The following ARID4B variants were observed in gnomAD, a reference collection of about 807,000 sequenced individuals.
ARID4B encodes AT-rich interaction domain 4B.
In ARID4B, 26 loss-of-function variants were observed where a neutral mutation model predicts 147.5. The ratio of observed to expected loss-of-function variants is 0.18; its 90% CI spans 0.13 to 0.24. The LOEUF (loss-of-function observed/expected upper bound fraction) is 0.24. Among genes scored for constraint, ARID4B ranks in the 10% least tolerant of loss-of-function variants. ARID4B has a pLI of 1.00. For missense variants in ARID4B, 1,179 were observed against 1,511.5 expected, an observed-to-expected ratio of 0.78 and a Z score of 3.65; for synonymous variants, 512 against 507.9, an observed-to-expected ratio of 1.01 and a Z score of -0.11.
intron 2 of ARID4B, among the ~76,000 whole-genome samples, chr1:235,308,568 C>T (rs1275036991): frequency 6.6e-6 from 1 of 152,010 alleles, no homozygotes; most frequent in Non-Finnish European, 1.5e-5. Context: ...TCACTGCAAC[C>T]TCCCTGCCTG....
intron 6 of ARID4B, among the ~76,000 whole-genome samples, chr1:235,248,656 A>C (rs1289906895): frequency 1.3e-5 from 2 of 152,232 alleles, no homozygotes; most frequent in Non-Finnish European, 2.9e-5. Flanking sequence ...TGCTACAGGA[A>C]AGAAAATTTC....
rs563269936 is a variant in ARID4B, at chr1:235,244,967, G to A, written c.446+1453C>T. Among the ~76,000 whole-genome samples the A allele has an allele frequency of 2.3e-4, 35 of 152,288 alleles. No homozygotes were observed. In the South Asian group the frequency reaches 4.8e-3, roughly 21 times the overall value. On this transcript the variant is annotated intron_variant, in intron 7 of 23. Transcript: ENST00000264183. ...ATGCTTACACACCAAGGCTTAAAACGCCAAGCAAGAGTAACATTGTCAGGT... is the reference window on the plus strand; with the variant it reads ...ATGCTTACACACCAAGGCTTAAAACACCAAGCAAGAGTAACATTGTCAGGT...
rs541948297 is a variant in ARID4B, at chr1:235,183,726, G to C, written c.2126-933C>G. 3.3e-5 allele frequency among the ~76,000 whole-genome samples: 5 copies of C among 151,706 alleles called. No homozygotes were observed. The South Asian group carries it at 1.0e-3, about 32-fold the overall frequency. The stretch of plus-strand genomic sequence containing the variant: ...CTCTCATTTTTCTTTCCTTTGTTTT[G>C]TTTTGTTTTATTTTCTTTCCCTCCC... On this transcript the variant is annotated intron_variant, in intron 19 of 23. Coordinates refer to ENST00000264183, the MANE Select transcript of ARID4B (RefSeq NM_016374.6).
At chr1:235,287,438 G>C (rs1672052347) in intron 2 of ARID4B, among the ~76,000 whole-genome samples, 1 of 152,122 alleles carries the variant, frequency 6.6e-6, no homozygotes, top group African/African-American at 2.4e-5. Flanking sequence ...TGAGGCTACA[G>C]GGCAAGAACA....
chr1:235,326,150 TA>T (rs35263210), intron 2 of ARID4B, among the ~76,000 whole-genome samples: 170 of 145,090 alleles, frequency 1.2e-3, no homozygotes, highest in Non-Finnish European at 1.3e-3. Flanking sequence ...AGCATGTGTT[TA>T]AAAAAAAAAA....
rs949825473 is a variant in ARID4B, at chr1:235,219,855, T to C, written c.1521A>G (p.Thr507=). The C allele has an allele frequency of 7.5e-6, 12 of 1,609,212 alleles. No homozygotes were observed. Among genetic ancestry groups the C allele is most frequent in the Non-Finnish European group, 1.0e-5 (12 of 1,178,688 alleles). ...NENLDDKDDD[T]TRVDESLNIK... Reference sequence around the variant, plus strand: ...TGTTGAGGGATTCATCTACCCTAGTTGTGTCATCATCTTTGTCATCCAGAT... The same window carrying C: ...TGTTGAGGGATTCATCTACCCTAGTCGTGTCATCATCTTTGTCATCCAGAT... The change falls in exon 16 of 24, where the codon ACA becomes ACG. Residue 507 remains threonine, a synonymous_variant. Coordinates refer to ENST00000264183, the MANE Select transcript of ARID4B (RefSeq NM_016374.6).
At chr1:235,183,277 C>T (rs1356495456) in intron 19 of ARID4B, among the ~76,000 whole-genome samples, 2 of 150,574 alleles carry the variant, frequency 1.3e-5, no homozygotes. Context: ...GGCGTGATGT[C>T]GGCTCACAGC....
At chr1:235,196,603 A>G (rs1190230738) in intron 17 of ARID4B, among the ~76,000 whole-genome samples, 1 of 152,178 alleles carries the variant, frequency 6.6e-6, no homozygotes, top group Non-Finnish European at 1.5e-5. Context: ...CAGTAATCCT[A>G]GCACTTTTGG....
At chr1:235,225,858 A>G (rs1468976222) in intron 11 of ARID4B, among the ~76,000 whole-genome samples, 1 of 152,222 alleles carries the variant, frequency 6.6e-6, no homozygotes, top group East Asian at 1.9e-4. Context: ...TTTAAAGCCT[A>G]TGTTGATCAA....
At chr1:235,248,106 T>G (rs2103087082) in intron 6 of ARID4B, among the ~76,000 whole-genome samples, 1 of 152,308 alleles carries the variant, frequency 6.6e-6, no homozygotes, top group African/African-American at 2.4e-5. Context: ...TGGAGTGCAG[T>G]GGCGGCATGA....
intron 6 of ARID4B, among the ~76,000 whole-genome samples, chr1:235,246,856 T>C (rs1045154990): frequency 6.6e-6 from 1 of 152,158 alleles, no homozygotes. Flanking sequence ...AATCTATTTG[T>C]AAGGTTAGGG....
chr1:235,204,321 CAAAAT>C, intron 17 of ARID4B, among the ~76,000 whole-genome samples: 1 of 152,004 alleles, frequency 6.6e-6, no homozygotes, highest in Non-Finnish European at 1.5e-5. Context: ...AACTCCGCTT[CAAAAT>C]AAAATAAAAT....
At chr1:235,179,504 CA>C (rs2102916329) in intron 20 of ARID4B, among the ~76,000 whole-genome samples, 2 of 79,564 alleles carry the variant, frequency 2.5e-5, no homozygotes, top group East Asian at 8.8e-4. Context: ...GCCTGGGCAA[CA>C]AGAGCAAAAC....
intron 2 of ARID4B, among the ~76,000 whole-genome samples, chr1:235,314,144 G>T (rs538120214): frequency 1.3e-5 from 2 of 152,066 alleles, no homozygotes; most frequent in African/African-American, 4.8e-5. Context: ...AGTCTTCTTG[G>T]AAAGTTTAAG....
At chr1:235,316,868 AAC>A (rs141376875) in intron 2 of ARID4B, among the ~76,000 whole-genome samples, 19,954 of 152,158 alleles carry the variant, frequency 0.13, 1,514 homozygotes, top group African/African-American at 0.2. Context: ...ACATACGTAA[AAC>A]ACAAAAAATC....
Position 235,194,174 on chromosome 1 carries a change from T to C in ARID4B, c.1964A>G (p.Tyr655Cys). 2 of 1,612,502 alleles carry C rather than the reference T, an allele frequency of 1.2e-6. No individual in the cohort carries two copies. The highest frequency in any genetic ancestry group is 2.7e-5 in the African/African-American group (2 of 74,962). The change falls in exon 19 of 24, where the codon TAC becomes TGC. Residue 655 changes from tyrosine (Y) to cysteine (C), a missense_variant. Tyr to Cys is a radical substitution (Grantham distance 194). Coordinates refer to ENST00000264183, the MANE Select transcript of ARID4B (RefSeq NM_016374.6). ...LDKEKDKDEK[Y>C]SPKNCKLRRL... ...CCGAAGTTTACAGTTTTTTGGAGAG[T>C]ATTTTTCATCTTTGTCTTTTTCTTT...
chr1:235,322,255 G>A (rs1481612444), intron 2 of ARID4B, among the ~76,000 whole-genome samples: 2 of 151,304 alleles, frequency 1.3e-5, no homozygotes, highest in African/African-American at 4.9e-5. Context: ...ATAGAACTCA[G>A]GTGATCCACC....
chr1:235,304,927 A>G (rs948454235), intron 2 of ARID4B, among the ~76,000 whole-genome samples: 1 of 152,174 alleles, frequency 6.6e-6, no homozygotes, highest in Admixed American at 6.6e-5. Context: ...ATTTTGCCAC[A>G]CTAAGGAAAC....
At chr1:235,308,704 T>C (rs1388578535) in intron 2 of ARID4B, among the ~76,000 whole-genome samples, 3 of 152,220 alleles carry the variant, frequency 2.0e-5, no homozygotes, top group Non-Finnish European at 4.4e-5. Flanking sequence ...CTCCAGCTCC[T>C]AACCGCGAGT....
Sources: gnomAD v4.1 joint callset for allele counts (sites outside exome capture counted in the v4.1 genomes callset) on GRCh38, gnomAD v4.1.1 for gene constraint, MANE v1.5 for transcripts, NCBI Gene and HGNC (gene_info 2026-07-23, HGNC 2026-07-21) for gene names.